Variants in LZTFL1 observed in about 807,000 individuals in gnomAD.
LZTFL1 encodes the protein leucine zipper transcription factor like 1.
Under a neutral mutation model 45.9 loss-of-function variants are expected in LZTFL1, and 25 were observed. The observed-to-expected ratio is 0.54, with a 90% CI of 0.40 to 0.76. LZTFL1 has a LOEUF of 0.76. Ranked by LOEUF, LZTFL1 falls within the 30% of genes least tolerant of loss-of-function variation. The probability of loss-of-function intolerance (pLI) is 0.00; values close to 1 mark genes in which losing one functional copy is unlikely to be tolerated. For missense variants in LZTFL1, 277 were observed against 331.1 expected (o/e 0.84, Z 1.27); for synonymous variants, 93 against 117.4 (o/e 0.79, Z 1.35).
chr3:45,855,296 A>G lies in LZTFL1; in HGVS notation c.-137-222T>C, dbSNP rs1013292276. On this transcript the variant is annotated intron_variant, in intron 3 of 4. Transcript: ENST00000472635. ...TAAGTGTAATCCATCACATAAACAGAACTAAAGACAAAACCCACATGATTA... is the reference window on the plus strand; with the variant it reads ...TAAGTGTAATCCATCACATAAACAGGACTAAAGACAAAACCCACATGATTA... Among the ~76,000 whole-genome samples the G allele has an allele frequency of 1.9e-4, 29 of 152,216 alleles. 1 individual carries two copies. The highest frequency in any genetic ancestry group is 1.6e-4 in the Non-Finnish European group (11 of 68,028).
At chr3:45,866,347 G>A (rs1226194038) in intron 2 of LZTFL1, among the ~76,000 whole-genome samples, 2 of 152,120 alleles carry the variant, frequency 1.3e-5, no homozygotes, top group Admixed American at 6.5e-5. Context: ...AGAACATTTT[G>A]AAATAATGTA....
At position 45,863,411 on chromosome 3, in the gene LZTFL1, C is replaced by G. The variant is rs150956612; in HGVS notation, c.-214-4395G>C. On this transcript the variant is annotated intron_variant, in intron 2 of 4. Coordinates refer to the LZTFL1 transcript ENST00000472635. ...GACCTCAGGGGAGTGGTTGATGGGA[C>G]TTGGACATCTGTATGGTGCCAAAAT... Among the ~76,000 whole-genome samples, 121 of 152,286 alleles carry G rather than the reference C, an allele frequency of 7.9e-4. 1 individual carries two copies. Among genetic ancestry groups the G allele is most frequent in the Middle Eastern group, 3.4e-3 (1 of 294 alleles).
chr3:45,913,441 T>C lies in LZTFL1; in HGVS notation c.-272-264A>G, dbSNP rs567460405. On this transcript the variant is annotated intron_variant, in intron 1 of 4. Transcript: ENST00000472635. ...AAATTGAAACACAATTCTCCAAATA[T>C]TAAAGCAGATATATGAACTAGTAAT... 2.6e-5 allele frequency among the ~76,000 whole-genome samples: 4 copies of C among 152,284 alleles called. No individual in the cohort carries two copies. In the South Asian group the frequency reaches 8.3e-4, roughly 32 times the overall value.
chr3:45,893,533 TAGAGTTTTATACA>T (rs1702256955), intron 2 of LZTFL1, among the ~76,000 whole-genome samples: 1 of 152,220 alleles, frequency 6.6e-6, no homozygotes, highest in Non-Finnish European at 1.5e-5. Context: ...TTGCATTATT[TAGAGTTTTATACA>T]AGTGAAATCA....
intron 2 of LZTFL1, among the ~76,000 whole-genome samples, chr3:45,891,380 C>A (rs1702174404): frequency 6.6e-6 from 1 of 152,166 alleles, no homozygotes; most frequent in Non-Finnish European, 1.5e-5. Context: ...TGCTTATAAA[C>A]CCTTCACCCA....
rs372199908 is a variant in LZTFL1, at chr3:45,824,524, T to C, written c.*1790A>G. The C allele has an allele frequency of 2.2e-5, 6 of 275,340 alleles. No individual in the cohort carries two copies. The East Asian group carries it at 2.5e-4, about 11-fold the overall frequency. The allele number at this position is 275,340 out of a possible 1,614,324, so 17.1% of individuals were successfully genotyped here. Reference sequence around the variant, plus strand: ...TTAAGGTTTTAGAAATATTTTTGAATTTATTATTAAACAATAGGAACGTAC... The same window carrying C: ...TTAAGGTTTTAGAAATATTTTTGAACTTATTATTAAACAATAGGAACGTAC... On this transcript the variant is annotated 3_prime_UTR_variant, in exon 10 of 10. Transcript: ENST00000296135.
intron 2 of LZTFL1, among the ~76,000 whole-genome samples, chr3:45,878,340 A>G (rs1056984420): frequency 6.6e-5 from 10 of 152,124 alleles, no homozygotes; most frequent in Non-Finnish European, 1.0e-4. Context: ...TTAGAAACTG[A>G]GGCTATTTTC....
At chr3:45,837,562 C>T (rs1320537969) in intron 2 of LZTFL1, among the ~76,000 whole-genome samples, 1 of 152,322 alleles carries the variant, frequency 6.6e-6, no homozygotes, top group African/African-American at 2.4e-5. Context: ...TGTTTTCTCA[C>T]TAATTGCCAT....
In LZTFL1 at chr3:45,901,037, C is replaced by T. The variant is rs191809380; in HGVS notation, c.-215+12083G>A. 4.0e-5 allele frequency: 65 copies of T among 1,614,172 alleles called. No homozygotes were observed. Among genetic ancestry groups the T allele is most frequent in the South Asian group, 1.3e-4 (12 of 91,082 alleles). ...ACTGCACAAGAGTGAAGACCATGAC[C>T]GACATGTTCCTTTTGAATTTGGCAA... is the stretch of plus-strand genomic sequence containing the variant. On this transcript the variant is annotated intron_variant, in intron 2 of 4. Transcript: ENST00000472635. This position sits in a 1 kb window ranked among gnomAD's most constrained non-coding sequence, Gnocchi z 4.3.
At chr3:45,832,911 G>T (rs953120160) in intron 5 of LZTFL1, 139 bp downstream of exon 5, 12 of 629,032 alleles carry the variant, frequency 1.9e-5, no homozygotes, top group Middle Eastern at 2.5e-4. Flanking sequence ...TGGCCCATGG[G>T]GTACCATCAA....
intron 2 of LZTFL1, 140 bp downstream of exon 2, chr3:45,837,787 G>C (rs1701003273): frequency 2.5e-6 from 2 of 787,690 alleles, no homozygotes; most frequent in South Asian, 5.0e-5. Context: ...TATCCATGAG[G>C]CTTAGTGTAG....
At chr3:45,886,375 T>C (rs1368303469) in intron 2 of LZTFL1, 1 of 152,248 alleles carries the variant, frequency 6.6e-6, no homozygotes, top group African/African-American at 2.4e-5. Context: ...TTTCCCCTTA[T>C]CCCAGCAGTT....
Position 45,835,624 on chromosome 3 carries a change from T to C in LZTFL1, c.289A>G (p.Lys97Glu), listed in dbSNP as rs777487315. ...LFAQAEKWYLKLQTDISELEN... is the reference protein window; with the variant it reads ...LFAQAEKWYLELQTDISELEN... ...AGTTCAGAGATGTCTGTCTGTAGCT[T>C]AAGATACCACTTCTCAGCTTGTGCA... The change falls in exon 3 of 10, where the codon AAG (lysine) becomes GAG (glutamate). Residue 97 changes from lysine (K) to glutamate (E), a missense_variant. Physicochemically the swap from Lys to Glu is moderately conservative, Grantham distance 56 (BLOSUM62 1). Coordinates refer to ENST00000296135, the MANE Select transcript of LZTFL1 (RefSeq NM_020347.4). 7 of 1,614,040 alleles carry C rather than the reference T, an allele frequency of 4.3e-6. No individual in the cohort carries two copies. In the African/African-American group the frequency reaches 9.3e-5, roughly 22 times the overall value.
At chr3:45,830,835 GTAAC>G in intron 7 of LZTFL1, 74 bp downstream of exon 7, 1 of 1,262,098 alleles carries the variant, frequency 7.9e-7, no homozygotes, top group Non-Finnish European at 1.1e-6. Context: ...ACAGTGAGCA[GTAAC>G]TAAGACTTAA....
chr3:45,886,303 T>C (rs550286979), intron 2 of LZTFL1, among the ~76,000 whole-genome samples: 1 of 152,366 alleles, frequency 6.6e-6, no homozygotes, highest in South Asian at 2.1e-4. Context: ...GCAGCTGTGC[T>C]GTCTAGGAAG....
rs765946304 is a variant in LZTFL1 at position 45,827,439 on chromosome 3, C to G, written c.798G>C (p.Gln266His). Residue 266 changes from glutamine (Q) to histidine (H), a missense_variant, in exon 9 of 10, where the codon CAG becomes CAC. Transcript: ENST00000296135. ...TCATGTTTCGATAAGCTGCTGTTTG[C>G]TGAAATTTCTTTTCTAATTCCTGCT... The part of the protein sequence containing the change: ...MAEKELEKKF[Q>H]QTAAYRNMKE... 19 of 1,612,482 alleles carry G rather than the reference C, an allele frequency of 1.2e-5. No homozygotes were observed. The highest frequency in any genetic ancestry group is 1.6e-5 in the Non-Finnish European group (19 of 1,178,802).
chr3:45,860,459 A>C (rs959500275), intron 2 of LZTFL1, among the ~76,000 whole-genome samples: 4 of 98,634 alleles, frequency 4.1e-5, no homozygotes, highest in African/African-American at 1.4e-4. Flanking sequence ...TTTATCTTAT[A>C]AATGCTTTTT....
chr3:45,827,537 GT>G (rs531667920), intron 8 of LZTFL1, 78 bp from the exon 9 acceptor site: 25 of 884,778 alleles, frequency 2.8e-5, no homozygotes, highest in Admixed American at 6.5e-5. Context: ...AAAATATGTA[GT>G]TTTTTTTGCT....
upstream of LZTFL1, among the ~76,000 whole-genome samples, chr3:45,845,963 A>G (rs1249785909): frequency 2.0e-5 from 3 of 152,244 alleles, no homozygotes; most frequent in Non-Finnish European, 2.9e-5. Flanking sequence ...CTTCCCAACT[A>G]CTATGTTGCA....
Sources: gnomAD v4.1 joint callset for allele counts (sites outside exome capture counted in the v4.1 genomes callset) on GRCh38, gnomAD v4.1.1 for gene constraint, Gnocchi (gnomAD v3.1) non-coding constraint, MANE v1.5 for transcripts, NCBI Gene and HGNC (gene_info 2026-07-23, HGNC 2026-07-21) for gene names.